Variants in IMMP2L observed in about 807,000 individuals in gnomAD.
The protein encoded by IMMP2L is inner mitochondrial membrane peptidase subunit 2.
Under a neutral mutation model 19.3 loss-of-function variants are expected in IMMP2L, and 18 were observed. The ratio of observed to expected loss-of-function variants is 0.93; its 90% confidence interval spans 0.64 to 1.38. The LOEUF (loss-of-function observed/expected upper bound fraction) is 1.38, where lower values mean the gene tolerates loss of function less well. Ranked by LOEUF, IMMP2L falls within the 40% of genes most tolerant of loss-of-function variation. The probability of loss-of-function intolerance (pLI) is 0.00; values close to 1 mark genes in which losing one functional copy is unlikely to be tolerated. For missense variants in IMMP2L, 233 were observed against 218.2 expected (o/e 1.07, Z -0.43); for synonymous variants, 76 against 73.0 (o/e 1.04, Z -0.21).
intron 5 of IMMP2L, among the ~76,000 whole-genome samples, chr7:110,738,673 C>T (rs954503041): frequency 6.6e-6 from 1 of 152,244 alleles, no homozygotes; most frequent in Middle Eastern, 3.4e-3. Context: ...GAAAACTTCC[C>T]CAGCCTTGCT....
At chr7:111,020,014 C>T (rs1289204775) in intron 3 of IMMP2L, among the ~76,000 whole-genome samples, 2 of 151,602 alleles carry the variant, frequency 1.3e-5, no homozygotes, top group Non-Finnish European at 2.9e-5. Flanking sequence ...AGTATATTCA[C>T]TTACTCAACA....
intron 5 of IMMP2L, among the ~76,000 whole-genome samples, chr7:110,676,382 G>A (rs958860460): frequency 1.3e-5 from 2 of 152,250 alleles, no homozygotes. Flanking sequence ...AAAACAGGCA[G>A]CGAGCTGTAT....
At chr7:111,555,028 T>C (rs950580048) in intron 1 of IMMP2L, among the ~76,000 whole-genome samples, 5 of 152,172 alleles carry the variant, frequency 3.3e-5, no homozygotes, top group Admixed American at 2.0e-4. Flanking sequence ...CCCACTAGCT[T>C]AGCGCTCCAA....
intron 3 of IMMP2L, among the ~76,000 whole-genome samples, chr7:111,470,076 A>G (rs1213388216): frequency 6.6e-6 from 1 of 152,186 alleles, no homozygotes; most frequent in African/African-American, 2.4e-5. Flanking sequence ...ACATGAACAG[A>G]CACTTCTCAA....
In IMMP2L at chr7:111,553,344, C is replaced by T. The variant is rs149974832; in HGVS notation, c.-3+8507G>A. ...TACTGTAAGGATGATCATTCCTACA[C>T]GATTATATGACTGATACTAGTATGT... On this transcript the variant is annotated intron_variant, in intron 1 of 5. Transcript: ENST00000405709. Among the ~76,000 whole-genome samples the T allele has an allele frequency of 6.2e-3, 936 of 152,182 alleles. 16 individuals are homozygous for T. The highest frequency in any genetic ancestry group is 0.021 in the African/African-American group (863 of 41,512).
At chr7:110,791,556 G>A (rs1800460884) in intron 5 of IMMP2L, among the ~76,000 whole-genome samples, 1 of 151,670 alleles carries the variant, frequency 6.6e-6, no homozygotes, top group African/African-American at 2.4e-5. Flanking sequence ...TCAGGGACCA[G>A]TAAGCAAAAC....
intron 3 of IMMP2L, among the ~76,000 whole-genome samples, chr7:111,330,398 A>C (rs1487034468): frequency 6.6e-6 from 1 of 151,770 alleles, no homozygotes; most frequent in Admixed American, 6.6e-5. Flanking sequence ...TTTCTGAAGA[A>C]GACTTTTTAA....
At chr7:111,237,034 A>C (rs114167389) in intron 3 of IMMP2L, among the ~76,000 whole-genome samples, 1,623 of 152,296 alleles carry the variant, frequency 0.011, 32 homozygotes, top group African/African-American at 0.036. Context: ...AACTTACAAC[A>C]GTGACGTTTC....
intron 3 of IMMP2L, among the ~76,000 whole-genome samples, chr7:111,113,791 AATCTAGTTGGAAATTCCTTTGAAG>A (rs1445968648): frequency 6.6e-6 from 1 of 152,160 alleles, no homozygotes; most frequent in Non-Finnish European, 1.5e-5. Flanking sequence ...GGAATTTCCA[AATCTAGTTGGAAATTCCTTTGAAG>A]ATAAAAGGAT....
At chr7:110,917,950 C>T (rs1252289199) in intron 4 of IMMP2L, among the ~76,000 whole-genome samples, 1 of 152,138 alleles carries the variant, frequency 6.6e-6, no homozygotes, top group South Asian at 2.1e-4. Flanking sequence ...TTAGGTACTA[C>T]TAGAGTGCTG....
chr7:111,249,316 G>C (rs554498362), intron 3 of IMMP2L, among the ~76,000 whole-genome samples: 1 of 138,362 alleles, frequency 7.2e-6, no homozygotes, highest in Non-Finnish European at 1.6e-5. Context: ...TCTTTGACTC[G>C]GAAAGGGAAC....
chr7:110,917,828 C>T (rs1813789602), intron 4 of IMMP2L, among the ~76,000 whole-genome samples: 1 of 151,892 alleles, frequency 6.6e-6, no homozygotes, highest in African/African-American at 2.4e-5. Flanking sequence ...GATAAATTCC[C>T]AATTGGATAA....
intron 5 of IMMP2L, among the ~76,000 whole-genome samples, chr7:110,703,575 A>G (rs6466351): frequency 0.87 from 131,714 of 152,138 alleles, 57,179 homozygotes; most frequent in Non-Finnish European, 0.89. Context: ...TAAAATAGAT[A>G]AATATACAAA....
At chr7:110,998,508 T>C in intron 3 of IMMP2L, among the ~76,000 whole-genome samples, 1 of 152,174 alleles carries the variant, frequency 6.6e-6, no homozygotes, top group East Asian at 1.9e-4. Flanking sequence ...CACTGCAAAT[T>C]AGTAAACATT....
chr7:111,340,482 T>G (rs1014103702), intron 3 of IMMP2L, among the ~76,000 whole-genome samples: 1 of 152,006 alleles, frequency 6.6e-6, no homozygotes, highest in African/African-American at 2.4e-5. Context: ...TCAAAACACA[T>G]CTCTAATGTC....
At chr7:111,294,018 T>C (rs531574586) in intron 3 of IMMP2L, among the ~76,000 whole-genome samples, 1 of 152,052 alleles carries the variant, frequency 6.6e-6, no homozygotes, top group South Asian at 2.1e-4. Flanking sequence ...TAAACTTCTT[T>C]GAAAGTCACT....
In IMMP2L at chr7:111,184,891, T is replaced by G. The variant is rs114943882; in HGVS notation, c.240-221326A>C. 5.5e-3 allele frequency among the ~76,000 whole-genome samples: 830 copies of G among 152,286 alleles called. 15 individuals are homozygous for G. Among genetic ancestry groups the G allele is most frequent in the African/African-American group, 0.019 (796 of 41,552 alleles). On this transcript the variant is annotated intron_variant, in intron 3 of 5. Transcript: ENST00000405709. ...AAATTACTGCACAACAGTATTTGTA[T>G]GAATTTTATGTAATAAGTTAGTAAG...
chr7:111,031,394 G>GTGTC (rs1445910249), intron 3 of IMMP2L, among the ~76,000 whole-genome samples: 1 of 75,322 alleles, frequency 1.3e-5, no homozygotes, highest in Non-Finnish European at 2.8e-5. Context: ...GTGTGTGTGT[G>GTGTC]TGTGTGTGTG....
At chr7:111,401,355 A>T (rs1833406563) in intron 3 of IMMP2L, among the ~76,000 whole-genome samples, 1 of 152,158 alleles carries the variant, frequency 6.6e-6, no homozygotes, top group Admixed American at 6.5e-5. Context: ...GCCTCCAAGG[A>T]GTGTATTCTG....
Sources: gnomAD v4.1 joint callset for allele counts (sites outside exome capture counted in the v4.1 genomes callset) on GRCh38, gnomAD v4.1.1 for gene constraint, MANE v1.5 for transcripts, NCBI Gene and HGNC (gene_info 2026-07-23, HGNC 2026-07-21) for gene names.